PTPRN2: variants seen among roughly 807,000 people sequenced by gnomAD.
PTPRN2 encodes the protein protein tyrosine phosphatase receptor type N2.
In PTPRN2, 74 loss-of-function variants were observed where a neutral mutation model predicts 118.8. The ratio of observed to expected loss-of-function variants is 0.62; its 90% CI spans 0.52 to 0.76. The LOEUF (loss-of-function observed/expected upper bound fraction) is 0.76, where lower values mean the gene tolerates loss of function less well. Ranked by LOEUF, PTPRN2 falls within the 30% of genes least tolerant of loss-of-function variation. PTPRN2 has a pLI of 0.00. For synonymous variants in PTPRN2, 641 were observed against 608.0 expected (o/e 1.05, Z -0.80); for missense variants, 1,481 against 1,394.4 (o/e 1.06, Z -0.99).
rs1329828194 is a variant in PTPRN2 at position 158,327,310 on chromosome 7, TAC to T, written c.164-10380_164-10379del. Among the ~76,000 whole-genome samples, 142 of 110,758 alleles carry T rather than the reference TAC, an allele frequency of 1.3e-3. 1 individual carries two copies. The highest frequency in any genetic ancestry group is 4.1e-3 in the African/African-American group (125 of 30,196). The allele number at this position is 110,758 out of a possible 152,430, so 72.7% of individuals were successfully genotyped here. On this transcript the variant is annotated intron_variant, in intron 2 of 22. Transcript: ENST00000389418. ...TCACACATGTACACATTCTCACACA[TAC>T]ACATTCTCACATGCACACACGTGCT...
intron 14 of PTPRN2, among the ~76,000 whole-genome samples, chr7:157,628,056 G>C (rs191577951): frequency 3.2e-4 from 48 of 152,296 alleles, no homozygotes; most frequent in Non-Finnish European, 5.9e-5. Context: ...AGACCATTTA[G>C]GGTTGGAGCA....
rs986449906 is a variant in PTPRN2 at position 157,587,672 on chromosome 7, C to A, written c.2496+7566G>T. Among the ~76,000 whole-genome samples the A allele has an allele frequency of 6.6e-6, 1 of 152,248 alleles. No homozygotes were observed. The highest frequency in any genetic ancestry group is 1.5e-5 in the Non-Finnish European group (1 of 68,044). The stretch of plus-strand genomic sequence containing the variant: ...CACACATCCGATGCCAGTGGGACAC[C>A]TGCTGACTTCAGCGAGCGCTTTGTG... On this transcript the variant is annotated intron_variant, in intron 17 of 22. Transcript: ENST00000389418. The surrounding 1 kb of genome is among the most constrained non-coding windows in gnomAD (Gnocchi z 5.3).
At chr7:157,946,455 C>T (rs1800494578) in intron 11 of PTPRN2, among the ~76,000 whole-genome samples, 1 of 152,204 alleles carries the variant, frequency 6.6e-6, no homozygotes, top group Non-Finnish European at 1.5e-5. Flanking sequence ...AAAATAAAGA[C>T]TCTGCATGTC....
chr7:158,383,422 A>G (rs887020720), intron 2 of PTPRN2, among the ~76,000 whole-genome samples: 5 of 152,186 alleles, frequency 3.3e-5, no homozygotes, highest in Admixed American at 6.5e-5. Flanking sequence ...AACATTCCAA[A>G]GTATAATATA....
At chr7:157,747,639 C>T (rs1483792045) in intron 12 of PTPRN2, among the ~76,000 whole-genome samples, 4 of 96,854 alleles carry the variant, frequency 4.1e-5, no homozygotes, top group Admixed American at 3.7e-4. Flanking sequence ...GTGGGGTGTG[C>T]GGGTGATTCT....
intron 2 of PTPRN2, among the ~76,000 whole-genome samples, chr7:158,336,727 G>C (rs1419996463): frequency 8.9e-6 from 1 of 111,852 alleles, no homozygotes. Flanking sequence ...CACCAAAAGA[G>C]CTGACGCCCG....
intron 11 of PTPRN2, among the ~76,000 whole-genome samples, chr7:157,922,658 G>A (rs1413495421): frequency 2.6e-5 from 4 of 152,156 alleles, no homozygotes; most frequent in African/African-American, 9.7e-5. Flanking sequence ...GAAGGAAAAA[G>A]GGCATCTGCA....
At chr7:157,715,065 C>T (rs1048503261) in intron 12 of PTPRN2, among the ~76,000 whole-genome samples, 4 of 152,230 alleles carry the variant, frequency 2.6e-5, no homozygotes, top group East Asian at 1.9e-4. Context: ...GCTCTGAGCC[C>T]GACGCGCTTG....
At chr7:158,293,305 G>C (rs544580451) in intron 3 of PTPRN2, among the ~76,000 whole-genome samples, 1 of 151,896 alleles carries the variant, frequency 6.6e-6, no homozygotes, top group Non-Finnish European at 1.5e-5. Context: ...GGCTGGGCAC[G>C]GTGACTCACG....
rs112460153 is a variant in PTPRN2 at position 157,544,824 on chromosome 7, C to T, written c.2977-4039G>A. 3.0e-3 allele frequency among the ~76,000 whole-genome samples: 451 copies of T among 152,144 alleles called. 1 individual carries two copies. The highest frequency in any genetic ancestry group is 0.01 in the African/African-American group (422 of 41,490). On this transcript the variant is annotated intron_variant, in intron 22 of 22. Coordinates refer to ENST00000389418, the MANE Select transcript of PTPRN2 (RefSeq NM_002847.5). ...TGTGTCTGCTGAGGGTGTGTGCACA[C>T]GGGAATGTGTGCGGGTGTGTGTGCG...
chr7:158,061,657 G>T (rs114217394), intron 11 of PTPRN2, among the ~76,000 whole-genome samples: 1 of 152,180 alleles, frequency 6.6e-6, no homozygotes, highest in Non-Finnish European at 1.5e-5. Flanking sequence ...TTTCAGCACC[G>T]CTGCCCATGG....
chr7:158,446,693 G>A (rs1207621597), intron 2 of PTPRN2, among the ~76,000 whole-genome samples: 3 of 152,262 alleles, frequency 2.0e-5, no homozygotes, highest in Non-Finnish European at 2.9e-5. Context: ...AGTAAGTTTT[G>A]TTGTTTGGTT....
intron 3 of PTPRN2, among the ~76,000 whole-genome samples, chr7:158,313,683 C>G (rs1292075174): frequency 6.6e-6 from 1 of 152,228 alleles, no homozygotes; most frequent in Non-Finnish European, 1.5e-5. Context: ...GAACAGGTGC[C>G]AGGAATGTGG....
intron 12 of PTPRN2, among the ~76,000 whole-genome samples, chr7:157,717,067 G>T (rs1020216431): frequency 7.0e-6 from 1 of 143,302 alleles, no homozygotes; most frequent in Non-Finnish European, 1.5e-5. Context: ...CGTAGACTCT[G>T]CAGGAACACT....
chr7:157,656,210 CCTGCCTGTCAGCCT>C, intron 14 of PTPRN2, 133 bp downstream of exon 14: 1 of 753,990 alleles, frequency 1.3e-6, no homozygotes, highest in Non-Finnish European at 2.1e-6. Context: ...CAGAAAGAGC[CCTGCCTGTCAGCCT>C]CTGCAGCGGG....
intron 2 of PTPRN2, among the ~76,000 whole-genome samples, chr7:158,434,254 T>C (rs974727434): frequency 6.6e-6 from 1 of 152,154 alleles, no homozygotes; most frequent in African/African-American, 2.4e-5. Flanking sequence ...TCTAAATACA[T>C]GACAGGACAC....
chr7:157,551,040 T>C (rs1050622222), intron 21 of PTPRN2, among the ~76,000 whole-genome samples: 2 of 152,102 alleles, frequency 1.3e-5, no homozygotes, highest in African/African-American at 4.8e-5. Flanking sequence ...CTTCCTCTCC[T>C]CCTCCTCCTC....
intron 12 of PTPRN2, among the ~76,000 whole-genome samples, chr7:157,884,348 C>G (rs1056390757): frequency 1.3e-5 from 2 of 152,192 alleles, no homozygotes; most frequent in African/African-American, 4.8e-5. Context: ...TGATTCTCTT[C>G]TATAAGAGAG....
chr7:158,317,653 T>C (rs769719449), intron 2 of PTPRN2, among the ~76,000 whole-genome samples: 22 of 152,190 alleles, frequency 1.4e-4, no homozygotes, highest in Non-Finnish European at 5.9e-5. Flanking sequence ...CCTTCTTTGG[T>C]GCACACAAAA....
Sources: gnomAD v4.1 joint callset for allele counts (sites outside exome capture counted in the v4.1 genomes callset) on GRCh38, gnomAD v4.1.1 for gene constraint, Gnocchi (gnomAD v3.1) non-coding constraint, MANE v1.5 for transcripts, NCBI Gene and HGNC (gene_info 2026-07-23, HGNC 2026-07-21) for gene names.